The following KLF15 variants were observed in gnomAD, a reference collection of about 807,000 sequenced individuals.
KLF15 encodes Krueppel-like factor 15.
Under a neutral mutation model 24.6 loss-of-function variants are expected in KLF15, and 4 were observed. The observed-to-expected ratio is 0.16, with a 90% confidence interval of 0.08 to 0.37. The LOEUF (loss-of-function observed/expected upper bound fraction) is 0.37, where lower values mean the gene tolerates loss of function less well. KLF15 is among the 10% of genes least tolerant of loss of function. The probability of loss-of-function intolerance (pLI) is 1.00; values close to 1 mark genes in which losing one functional copy is unlikely to be tolerated. For missense variants in KLF15, 496 were observed against 560.6 expected (o/e 0.88, Z 1.16); for synonymous variants, 246 against 236.3 (o/e 1.04, Z -0.37).
chr3:126,294,412 C>T, the KLF15 span, among the ~76,000 whole-genome samples: 1 of 152,230 alleles, frequency 6.6e-6, no homozygotes, highest in Non-Finnish European at 1.5e-5. Context: ...GCCGTGCTCC[C>T]TGCAGTCCTC....
At chr3:126,319,233 G>C in the KLF15 span, among the ~76,000 whole-genome samples, 1 of 152,336 alleles carries the variant, frequency 6.6e-6, no homozygotes, top group Middle Eastern at 3.4e-3. Flanking sequence ...GGCATTATGA[G>C]TAAAGGTGCT....
intron 1 of KLF15, among the ~76,000 whole-genome samples, chr3:126,353,483 A>G (rs2082604819): frequency 6.6e-6 from 1 of 152,228 alleles, no homozygotes; most frequent in Admixed American, 6.5e-5. Flanking sequence ...ACAAGCCAAC[A>G]GTTACATTCG....
At chr3:126,289,483 A>T in the KLF15 span, among the ~76,000 whole-genome samples, 26 of 152,236 alleles carry the variant, frequency 1.7e-4, no homozygotes, top group African/African-American at 5.1e-4. Context: ...AGAGTAGGAA[A>T]TGGGTAAGGA....
At chr3:126,355,442 G>C (rs997572060) in intron 1 of KLF15, among the ~76,000 whole-genome samples, 2 of 152,164 alleles carry the variant, frequency 1.3e-5, no homozygotes, top group African/African-American at 4.8e-5. Context: ...GCCTCAGCCC[G>C]GGGCCACTGC....
chr3:126,344,793 T>G (rs553358449), intron 2 of KLF15, among the ~76,000 whole-genome samples: 2 of 152,236 alleles, frequency 1.3e-5, no homozygotes, highest in African/African-American at 4.8e-5. Flanking sequence ...CAAATAAAGA[T>G]TGACCCTGCA....
At chr3:126,337,452 G>A in the KLF15 span, among the ~76,000 whole-genome samples, 1 of 137,722 alleles carries the variant, frequency 7.3e-6, no homozygotes, top group Non-Finnish European at 1.6e-5. Context: ...GGGAGGGATA[G>A]CATTGGGAGA....
chr3:126,308,701 G>T, the KLF15 span, among the ~76,000 whole-genome samples: 1 of 152,170 alleles, frequency 6.6e-6, no homozygotes, highest in African/African-American at 2.4e-5. Flanking sequence ...AGACTCCTAC[G>T]TGGAAAGAAG....
chr3:126,288,778 A>G, the KLF15 span: 1 of 152,282 alleles, frequency 6.6e-6, no homozygotes, highest in Non-Finnish European at 1.5e-5. Flanking sequence ...CTTCGGAGGT[A>G]GGGATATCTT....
the KLF15 span, among the ~76,000 whole-genome samples, chr3:126,294,867 A>ACG: frequency 2.3e-5 from 1 of 43,642 alleles, no homozygotes; most frequent in South Asian, 5.4e-4. Flanking sequence ...CCCTCCATAC[A>ACG]CACACACACA....
rs747919008 is a variant in KLF15 at position 126,352,959 on chromosome 3, G to C, written c.-25-12C>G. On this transcript the variant is annotated splice_polypyrimidine_tract_variant and intron_variant, in intron 1 of 2. Coordinates refer to ENST00000296233, the MANE Select transcript of KLF15 (RefSeq NM_014079.4). ...CGTGCCGGTGGCGGCTGCAGGAAAG[G>C]AACACAGGAGGCCTGGTCAGAAGGA... The C allele has an allele frequency of 3.2e-6, 5 of 1,566,152 alleles. No homozygotes were observed. Among genetic ancestry groups the C allele is most frequent in the Non-Finnish European group, 4.3e-6 (5 of 1,154,826 alleles).
At chr3:126,323,424 TATATATATATAACATATATATGTTA>T in the KLF15 span, among the ~76,000 whole-genome samples, 1 of 25,942 alleles carries the variant, frequency 3.9e-5, no homozygotes, top group Non-Finnish European at 9.2e-5. Context: ...TATATATATA[TATATATATATAACATATATATGTTA>T]TATATATATA....
chr3:126,351,894 G>A lies in KLF15; in HGVS notation c.1029C>T (p.Arg343=), dbSNP rs1424780461. The part of the protein sequence containing the change: ...TKSSHLKAHL[R]RHTGEKPFAC... ...CGAAGGGCTTCTCACCCGTGTGCCG[G>A]CGCAGGTGGGCCTTGAGGTGGCTGC... The change falls in exon 2 of 3, where the codon CGC becomes CGT. Residue 343 remains arginine, a synonymous_variant. Transcript: ENST00000296233. 8 of 1,614,010 alleles carry A rather than the reference G, an allele frequency of 5.0e-6. No homozygotes were observed. In the African/African-American group the frequency reaches 1.1e-4, roughly 22 times the overall value.
the KLF15 span, chr3:126,288,307 T>C: frequency 0.13 from 19,701 of 152,236 alleles, 1,469 homozygotes; most frequent in Admixed American, 0.23. Flanking sequence ...AACTGCAAAA[T>C]GGTAGCATGG....
chr3:126,348,986 G>A (rs1267549317), intron 2 of KLF15, among the ~76,000 whole-genome samples: 1 of 152,072 alleles, frequency 6.6e-6, no homozygotes, highest in Non-Finnish European at 1.5e-5. Context: ...CAGTAAATAC[G>A]CCATCTCACC....
In KLF15 at chr3:126,356,698, C is replaced by T. The variant is rs891043269; in HGVS notation, c.-26+539G>A. Among the ~76,000 whole-genome samples, 13 of 152,046 alleles carry T rather than the reference C, an allele frequency of 8.6e-5. No individual in the cohort carries two copies. The highest frequency in any genetic ancestry group is 1.7e-4 in the African/African-American group (7 of 41,430). On this transcript the variant is annotated intron_variant, in intron 1 of 2. Transcript: ENST00000296233. This position sits in a 1 kb window ranked among gnomAD's most constrained non-coding sequence, Gnocchi z 4.4. ...CGCGTGGAGCCGCCGTGGGTGCCGGCGGGTGAGGGGAAACGTGCGTGGGAA... is the reference window on the plus strand; with the variant it reads ...CGCGTGGAGCCGCCGTGGGTGCCGGTGGGTGAGGGGAAACGTGCGTGGGAA...
At position 126,343,670 on chromosome 3, in the gene KLF15, A is replaced by T; in HGVS notation, c.*57T>A. 1.3e-6 allele frequency: 2 copies of T among 1,529,488 alleles called. No homozygotes were observed. Among genetic ancestry groups the T allele is most frequent in the Non-Finnish European group, 1.8e-6 (2 of 1,130,584 alleles). The allele number at this position is 1,529,488 out of a possible 1,614,324, so 94.7% of individuals were successfully genotyped here. A position where few individuals can be genotyped will look rare whatever the true frequency, so the allele number is the denominator to read the frequency against. ...GGAGGCAAATAAATTATTGCTTAAA[A>T]AAATGGGGATGGGGTGGGGATCCGG... On this transcript the variant is annotated 3_prime_UTR_variant, in exon 3 of 3. Transcript: ENST00000296233.
chr3:126,327,859 A>G, the KLF15 span, among the ~76,000 whole-genome samples: 4,122 of 152,320 alleles, frequency 0.027, 204 homozygotes, highest in African/African-American at 0.094. Flanking sequence ...TCATAATGCT[A>G]AAAGAACAGA....
intron 2 of KLF15, among the ~76,000 whole-genome samples, chr3:126,350,717 G>T (rs2082575593): frequency 6.6e-6 from 1 of 152,224 alleles, no homozygotes; most frequent in Admixed American, 6.5e-5. Context: ...ATGTATGTGT[G>T]CAAACACATA....
the KLF15 span, among the ~76,000 whole-genome samples, chr3:126,329,970 C>A: frequency 6.6e-6 from 1 of 151,974 alleles, no homozygotes; most frequent in East Asian, 1.9e-4. Context: ...AGTGATGGCC[C>A]CTCATTCATC....
Sources: allele counts gnomAD v4.1 joint callset (sites outside exome capture counted in the v4.1 genomes callset), GRCh38; gene constraint gnomAD v4.1.1; non-coding constraint Gnocchi (gnomAD v3.1); transcripts MANE v1.5; gene names NCBI Gene and HGNC (gene_info 2026-07-23, HGNC 2026-07-21).